Variants in CNOT6 observed in about 807,000 individuals in gnomAD.
CNOT6 encodes the protein CCR4-NOT transcription complex subunit 6, also known as carbon catabolite repression 4 protein.
CNOT6 carries 12 observed loss-of-function variants against 61.2 expected under a neutral mutation model. That is an observed-to-expected ratio of 0.20 (90% confidence interval 0.13 to 0.32). The LOEUF (loss-of-function observed/expected upper bound fraction) is 0.32, where lower values mean the gene tolerates loss of function less well. CNOT6 is among the 10% of genes least tolerant of loss of function. The pLI, the probability that CNOT6 is intolerant of heterozygous loss-of-function variation, is 1.00. For synonymous variants in CNOT6, 225 were observed against 240.6 expected (o/e 0.94, Z 0.60); for missense variants, 405 against 663.9 (o/e 0.61, Z 4.28).
intron 4 of CNOT6, among the ~76,000 whole-genome samples, chr5:180,555,023 T>G (rs548056855): frequency 7.2e-5 from 11 of 152,212 alleles, no homozygotes; most frequent in Middle Eastern, 3.4e-3. Context: ...TTTTTTTTTT[T>G]TGAGAGAGAG....
intron 1 of CNOT6, among the ~76,000 whole-genome samples, chr5:180,517,211 C>T (rs760785304): frequency 9.2e-5 from 14 of 152,186 alleles, no homozygotes; most frequent in Non-Finnish European, 1.5e-4. Context: ...GATCACTGCC[C>T]ACTGTAGCCC....
rs1401264147 is a variant in CNOT6, at chr5:180,573,606, TCC to T, written c.1462-381_1462-380del. On this transcript the variant is annotated intron_variant, in intron 11 of 11. Transcript: ENST00000261951. ...GTGTGTGTGTGTGTGTGTGTGTCCG[TCC>T]GTCCGTCCGTCCTGGGGCAGGAAAG... 2.9e-3 allele frequency among the ~76,000 whole-genome samples: 345 copies of T among 120,418 alleles called. 6 individuals are homozygous for T. Among genetic ancestry groups the T allele is most frequent in the Middle Eastern group, 0.013 (3 of 238 alleles). The allele number at this position is 120,418 out of a possible 152,430, so 79.0% of individuals were successfully genotyped here.
chr5:180,520,198 T>C (rs975122357), intron 1 of CNOT6, among the ~76,000 whole-genome samples: 15 of 152,328 alleles, frequency 9.8e-5, no homozygotes, highest in African/African-American at 3.6e-4. Context: ...AAAGTTGTTA[T>C]GAACAACTAT....
chr5:180,558,668 T>G (rs924088238), intron 4 of CNOT6, among the ~76,000 whole-genome samples: 1 of 151,888 alleles, frequency 6.6e-6, no homozygotes, highest in Non-Finnish European at 1.5e-5. Context: ...GATTATTGAA[T>G]TGAGGCTTCT....
intron 2 of CNOT6, among the ~76,000 whole-genome samples, chr5:180,533,341 T>TCA (rs1416826952): frequency 7.1e-6 from 1 of 141,366 alleles, no homozygotes; most frequent in Non-Finnish European, 1.5e-5. Context: ...TATATATATA[T>TCA]ATCACCGTAA....
intron 1 of CNOT6, among the ~76,000 whole-genome samples, chr5:180,511,223 A>T (rs1167198671): frequency 6.6e-6 from 1 of 150,580 alleles, no homozygotes; most frequent in African/African-American, 2.4e-5. Context: ...CGCGCCTGTA[A>T]TCCCACCACT....
chr5:180,524,940 C>T (rs1250631310), intron 1 of CNOT6, among the ~76,000 whole-genome samples: 1 of 152,170 alleles, frequency 6.6e-6, no homozygotes, highest in African/African-American at 2.4e-5. Context: ...TCATCAAGCT[C>T]TGGTAGCATA....
At chr5:180,538,703 TATATATATATATAC>T in intron 2 of CNOT6, among the ~76,000 whole-genome samples, 1 of 138,294 alleles carries the variant, frequency 7.2e-6, no homozygotes. Context: ...TATATATATA[TATATATATATATAC>T]AAAAAAATTA....
chr5:180,566,447 T>C (rs542532298), intron 7 of CNOT6, among the ~76,000 whole-genome samples: 1 of 152,254 alleles, frequency 6.6e-6, no homozygotes, highest in Non-Finnish European at 1.5e-5. Context: ...AAGTTATGAT[T>C]TGTAAAGTTC....
At chr5:180,537,887 C>T (rs1441555184) in intron 2 of CNOT6, among the ~76,000 whole-genome samples, 1 of 149,518 alleles carries the variant, frequency 6.7e-6, no homozygotes, top group Non-Finnish European at 1.5e-5. Context: ...AAGTGACTAA[C>T]TTCAGATCTT....
chr5:180,538,900 G>A (rs1758868797), intron 2 of CNOT6, among the ~76,000 whole-genome samples: 1 of 151,446 alleles, frequency 6.6e-6, no homozygotes, highest in South Asian at 2.1e-4. Flanking sequence ...AATTGTCTGG[G>A]TACGGTAGCT....
intron 1 of CNOT6, among the ~76,000 whole-genome samples, chr5:180,500,020 C>G (rs1412926421): frequency 6.6e-6 from 1 of 152,140 alleles, no homozygotes; most frequent in Non-Finnish European, 1.5e-5. Flanking sequence ...CATAAATAAA[C>G]AGGAAATATG....
intron 1 of CNOT6, among the ~76,000 whole-genome samples, chr5:180,528,345 C>T (rs536855424): frequency 1.3e-5 from 2 of 152,320 alleles, no homozygotes; most frequent in African/African-American, 4.8e-5. Context: ...GAGTCTCGCT[C>T]TGTTGCCCAG....
intron 1 of CNOT6, among the ~76,000 whole-genome samples, chr5:180,511,828 C>T (rs949560418): frequency 1.3e-5 from 2 of 152,090 alleles, no homozygotes; most frequent in Non-Finnish European, 2.9e-5. Flanking sequence ...CTCTCTGTTG[C>T]CCAGGCTGGC....
intron 6 of CNOT6, among the ~76,000 whole-genome samples, chr5:180,565,364 G>C (rs894196973): frequency 1.5e-4 from 23 of 152,156 alleles, no homozygotes. Context: ...TTCATGGTGC[G>C]TGTAACAAAA....
intron 1 of CNOT6, among the ~76,000 whole-genome samples, chr5:180,519,587 CTT>C (rs1212112704): frequency 1.6e-4 from 24 of 152,154 alleles, no homozygotes; most frequent in East Asian, 3.9e-4. Flanking sequence ...TAATTTGAGT[CTT>C]GATAAATATG....
At chr5:180,533,385 A>G (rs1012932913) in intron 2 of CNOT6, among the ~76,000 whole-genome samples, 2 of 150,018 alleles carry the variant, frequency 1.3e-5, no homozygotes, top group Non-Finnish European at 3.0e-5. Flanking sequence ...AGACGCCTCT[A>G]AAGTAACCTT....
Sources: allele counts gnomAD v4.1 joint callset (sites outside exome capture counted in the v4.1 genomes callset), GRCh38; gene constraint gnomAD v4.1.1; transcripts MANE v1.5; gene names NCBI Gene and HGNC (gene_info 2026-07-23, HGNC 2026-07-21).